The following PRDM10 variants were observed in gnomAD, a reference collection of about 807,000 sequenced individuals.
PRDM10 encodes PR domain zinc finger protein 10.
A neutral mutation model predicts 133.1 loss-of-function variants in PRDM10; 65 were observed. That is an observed-to-expected ratio of 0.49 (90% confidence interval 0.40 to 0.60). The LOEUF (loss-of-function observed/expected upper bound fraction) is 0.60, where lower values mean the gene tolerates loss of function less well. Among genes scored for constraint, PRDM10 ranks in the 20% least tolerant of loss-of-function variants. PRDM10 has a pLI of 0.00. For missense variants in PRDM10, 1,137 were observed against 1,507.1 expected (o/e 0.75, Z 4.07); for synonymous variants, 582 against 580.4 (o/e 1.00, Z -0.04).
At chr11:129,973,570 T>C (rs1289664305) in intron 1 of PRDM10, among the ~76,000 whole-genome samples, 1 of 152,220 alleles carries the variant, frequency 6.6e-6, no homozygotes, top group Admixed American at 6.5e-5. Context: ...TTACTCATAA[T>C]TAAATTGAAA....
chr11:129,938,962 C>T (rs752755191), intron 7 of PRDM10, among the ~76,000 whole-genome samples: 7 of 152,192 alleles, frequency 4.6e-5, no homozygotes, highest in Non-Finnish European at 8.8e-5. Flanking sequence ...CTGTTTCACC[C>T]CCACAAGTGC....
intron 1 of PRDM10, among the ~76,000 whole-genome samples, chr11:129,972,353 C>T (rs1342433685): frequency 2.0e-5 from 3 of 152,246 alleles, no homozygotes; most frequent in African/African-American, 7.2e-5. Context: ...CGAGCGAGGG[C>T]TCTGGGGACT....
chr11:129,937,560 A>G (rs141518980), intron 8 of PRDM10, 38 bp downstream of exon 8: 5 of 1,578,616 alleles, frequency 3.2e-6, no homozygotes, highest in Middle Eastern at 1.7e-4. Context: ...ACAATTTAGA[A>G]TTCATATAGA....
At chr11:129,999,305 T>C (rs933284798) in intron 1 of PRDM10, among the ~76,000 whole-genome samples, 2 of 152,208 alleles carry the variant, frequency 1.3e-5, no homozygotes, top group African/African-American at 4.8e-5. Context: ...CCCAGGAGAA[T>C]TTGAGTGGGA....
At chr11:129,950,896 T>C (rs1242932490) in intron 4 of PRDM10, among the ~76,000 whole-genome samples, 1 of 152,198 alleles carries the variant, frequency 6.6e-6, no homozygotes, top group African/African-American at 2.4e-5. Context: ...TTGCCACTGC[T>C]GAGAAAGCTG....
intron 19 of PRDM10, among the ~76,000 whole-genome samples, chr11:129,907,116 T>TAC (rs1487209941): frequency 2.6e-5 from 4 of 151,730 alleles, no homozygotes; most frequent in Non-Finnish European, 5.9e-5. Context: ...TTGATAGAAG[T>TAC]ACACACACCA....
At chr11:129,957,159 T>A (rs1474088889) in intron 3 of PRDM10, among the ~76,000 whole-genome samples, 2 of 152,208 alleles carry the variant, frequency 1.3e-5, no homozygotes, top group Non-Finnish European at 2.9e-5. Flanking sequence ...CACAGAGCCA[T>A]TTTTGGCCTG....
chr11:129,911,149 T>C (rs977866035), intron 18 of PRDM10, among the ~76,000 whole-genome samples: 4 of 152,224 alleles, frequency 2.6e-5, no homozygotes, highest in Non-Finnish European at 4.4e-5. Flanking sequence ...ACTATGAAAT[T>C]CTAATTTGCT....
intron 1 of PRDM10, 40 bp from the exon 2 acceptor site, chr11:129,961,122 T>A: frequency 1.9e-6 from 1 of 537,512 alleles, no homozygotes; most frequent in South Asian, 2.8e-5. Context: ...TTTCAGTAGA[T>A]AAATACATTT....
In PRDM10 at chr11:129,913,056, T is replaced by C. The variant is rs61913708; in HGVS notation, c.2842-831A>G. ...GCCCGGGCAACAGAGCGAGACTCCATCTCAAAAAAAAAAAATAGCCAGGCA... is the reference window on the plus strand; with the variant it reads ...GCCCGGGCAACAGAGCGAGACTCCACCTCAAAAAAAAAAAATAGCCAGGCA... On this transcript the variant is annotated intron_variant, in intron 17 of 20. Coordinates refer to ENST00000360871, the MANE Select transcript of PRDM10 (RefSeq NM_199437.2). Among the ~76,000 whole-genome samples, 590 of 94,690 alleles carry C rather than the reference T, an allele frequency of 6.2e-3. 2 individuals carry two copies. Among genetic ancestry groups the C allele is most frequent in the Non-Finnish European group, 9.6e-3 (491 of 51,364 alleles). The allele number at this position is 94,690 out of a possible 152,430, so 62.1% of individuals were successfully genotyped here.
intron 11 of PRDM10, among the ~76,000 whole-genome samples, chr11:129,929,806 A>C: frequency 6.6e-6 from 1 of 152,160 alleles, no homozygotes; most frequent in East Asian, 1.9e-4. Flanking sequence ...TAGTAAAAAA[A>C]ATCAGAATGG....
At chr11:129,991,310 AG>A (rs1938730580) in intron 1 of PRDM10, among the ~76,000 whole-genome samples, 1 of 152,230 alleles carries the variant, frequency 6.6e-6, no homozygotes, top group Non-Finnish European at 1.5e-5. Context: ...TCTTAACTGC[AG>A]GCTTGGGTTC....
At chr11:129,961,726 A>G (rs1264218645) in intron 1 of PRDM10, among the ~76,000 whole-genome samples, 1 of 152,086 alleles carries the variant, frequency 6.6e-6, no homozygotes, top group Non-Finnish European at 1.5e-5. Flanking sequence ...TAAAAAAATA[A>G]TAATATAATG....
chr11:129,963,757 T>C (rs1042857368), intron 1 of PRDM10, among the ~76,000 whole-genome samples: 14 of 152,204 alleles, frequency 9.2e-5, no homozygotes, highest in Admixed American at 1.3e-4. Context: ...AGTACTACTA[T>C]CAAAATGAGG....
At chr11:129,971,437 CG>C (rs1007767469) in intron 1 of PRDM10, among the ~76,000 whole-genome samples, 2 of 152,030 alleles carry the variant, frequency 1.3e-5, no homozygotes, top group African/African-American at 4.8e-5. Flanking sequence ...TACAGAGTGT[CG>C]ACACAAAGGT....
chr11:129,957,668 ATGAC>A, intron 3 of PRDM10, 74 bp downstream of exon 3: 2 of 1,522,116 alleles, frequency 1.3e-6, no homozygotes, highest in Non-Finnish European at 1.8e-6. Flanking sequence ...ACCTAGCACA[ATGAC>A]TGACAGAAAG....
chr11:129,951,219 G>C (rs1951573559), intron 4 of PRDM10, among the ~76,000 whole-genome samples: 1 of 152,202 alleles, frequency 6.6e-6, no homozygotes, highest in African/African-American at 2.4e-5. Flanking sequence ...GCAGGTATTT[G>C]AATCCCTCTG....
intron 1 of PRDM10, among the ~76,000 whole-genome samples, chr11:129,965,151 G>A (rs2135934209): frequency 6.6e-6 from 1 of 152,152 alleles, no homozygotes; most frequent in East Asian, 1.9e-4. Context: ...AGCAAGACAG[G>A]AGTTGCTTGA....
chr11:129,991,691 C>T (rs568587814), intron 1 of PRDM10, among the ~76,000 whole-genome samples: 12 of 152,178 alleles, frequency 7.9e-5, no homozygotes, highest in Admixed American at 2.0e-4. Context: ...TAGTGGCACG[C>T]GCCTGCAATC....
Sources: allele counts gnomAD v4.1 joint callset (sites outside exome capture counted in the v4.1 genomes callset), GRCh38; gene constraint gnomAD v4.1.1; transcripts MANE v1.5; gene names NCBI Gene and HGNC (gene_info 2026-07-23, HGNC 2026-07-21).